The following RANBP17 variants were observed in gnomAD, a reference collection of about 807,000 sequenced individuals.
The protein encoded by RANBP17 is ran-binding protein 17.
A neutral mutation model predicts 141.2 loss-of-function variants in RANBP17; 158 were observed. The observed-to-expected ratio is 1.12, with a 90% confidence interval of 0.98 to 1.28. The LOEUF (loss-of-function observed/expected upper bound fraction) is 1.28. Among genes scored for constraint, RANBP17 ranks in the 50% most tolerant of loss-of-function variants. The pLI, the probability that RANBP17 is intolerant of heterozygous loss-of-function variation, is 0.00. For missense variants in RANBP17, 1,438 were observed against 1,290.7 expected (o/e 1.11, Z -1.75); for synonymous variants, 430 against 450.0 (o/e 0.96, Z 0.56).
At chr5:171,276,918 TAAAAAAAAAAAAA>T (rs149425836) in intron 25 of RANBP17, among the ~76,000 whole-genome samples, 1 of 82,236 alleles carries the variant, frequency 1.2e-5, no homozygotes, top group East Asian at 3.9e-4. Context: ...AAATGTATCT[TAAAAAAAAAAAAA>T]AAAAAAAAAA....
chr5:171,197,764 C>T (rs573487421), intron 18 of RANBP17, among the ~76,000 whole-genome samples: 42 of 152,284 alleles, frequency 2.8e-4, no homozygotes, highest in African/African-American at 8.7e-4. Flanking sequence ...GGCGGCCGGG[C>T]GCTGTGGCTC....
At chr5:171,102,844 A>T (rs936454311) in intron 14 of RANBP17, among the ~76,000 whole-genome samples, 5 of 151,476 alleles carry the variant, frequency 3.3e-5, no homozygotes, top group African/African-American at 1.2e-4. Context: ...TTTCCTTCTA[A>T]CAGTCAGACC....
At chr5:171,007,920 T>C (rs1310979938) in intron 14 of RANBP17, among the ~76,000 whole-genome samples, 5 of 152,122 alleles carry the variant, frequency 3.3e-5, no homozygotes, top group African/African-American at 4.8e-5. Flanking sequence ...AGGGTAGATA[T>C]GGCGAAGCCG....
At chr5:170,913,777 C>A (rs1771724984) in intron 7 of RANBP17, among the ~76,000 whole-genome samples, 1 of 150,300 alleles carries the variant, frequency 6.7e-6, no homozygotes, top group African/African-American at 2.4e-5. Flanking sequence ...ATGAATGTAA[C>A]TATAGCTAAG....
chr5:171,129,200 A>G (rs768229674), intron 14 of RANBP17, among the ~76,000 whole-genome samples: 2 of 152,226 alleles, frequency 1.3e-5, no homozygotes, highest in African/African-American at 4.8e-5. Context: ...CAACAAGTCT[A>G]GCTGTCATTG....
chr5:170,971,165 A>G (rs934436151), intron 14 of RANBP17, among the ~76,000 whole-genome samples: 1 of 152,236 alleles, frequency 6.6e-6, no homozygotes, highest in African/African-American at 2.4e-5. Flanking sequence ...GCCTGTATAG[A>G]CAACAGAATA....
intron 20 of RANBP17, 88 bp downstream of exon 20, chr5:171,205,700 G>A (rs1415153708): frequency 9.9e-7 from 1 of 1,014,868 alleles, no homozygotes; most frequent in Non-Finnish European, 1.6e-6. Flanking sequence ...GGCACAGTAG[G>A]GAAGAGGAAA....
chr5:171,199,576 A>C, intron 18 of RANBP17, 94 bp from the exon 19 acceptor site: 1 of 677,154 alleles, frequency 1.5e-6, no homozygotes, highest in Non-Finnish European at 2.4e-6. Flanking sequence ...CCTTCTCGGG[A>C]ATATTTCTAA....
intron 14 of RANBP17, among the ~76,000 whole-genome samples, chr5:171,025,435 G>A (rs757812293): frequency 5.9e-5 from 9 of 152,010 alleles, no homozygotes; most frequent in Non-Finnish European, 1.3e-4. Context: ...GTCTTTGCAT[G>A]TATTGTTTCT....
At chr5:171,117,829 TTTGTTGTTGTTGTTG>T (rs57307801) in intron 14 of RANBP17, among the ~76,000 whole-genome samples, 6 of 147,450 alleles carry the variant, frequency 4.1e-5, no homozygotes, top group African/African-American at 1.5e-4. Flanking sequence ...TATGTGGGGT[TTTGTTGTTGTTGTTG>T]TTGTTGTTGT....
At chr5:171,174,151 A>T (rs935041833) in intron 16 of RANBP17, among the ~76,000 whole-genome samples, 1 of 152,138 alleles carries the variant, frequency 6.6e-6, no homozygotes, top group African/African-American at 2.4e-5. Flanking sequence ...ATGTTTTCCC[A>T]TCAGATTCAT....
At chr5:170,955,405 T>C (rs985451720) in intron 13 of RANBP17, among the ~76,000 whole-genome samples, 6 of 148,732 alleles carry the variant, frequency 4.0e-5, no homozygotes, top group African/African-American at 1.2e-4. Flanking sequence ...ATTATTTACC[T>C]GCTTTTCTTT....
intron 26 of RANBP17, 104 bp downstream of exon 26, chr5:171,294,085 T>C (rs1234293089): frequency 1.5e-5 from 13 of 862,472 alleles, no homozygotes; most frequent in Non-Finnish European, 2.2e-5. Context: ...GCAGAGCCAA[T>C]TGAATTTGAA....
chr5:170,877,310 C>T (rs777664184), intron 1 of RANBP17, among the ~76,000 whole-genome samples: 52 of 151,926 alleles, frequency 3.4e-4, no homozygotes, highest in Non-Finnish European at 7.1e-4. Flanking sequence ...CTCTGTCACC[C>T]GCTGAAGTAC....
At chr5:171,068,026 G>A (rs1207317788) in intron 14 of RANBP17, among the ~76,000 whole-genome samples, 1 of 151,806 alleles carries the variant, frequency 6.6e-6, no homozygotes, top group African/African-American at 2.4e-5. Flanking sequence ...AAGTTGGTAT[G>A]CTTGATCATT....
chr5:171,243,183 C>G (rs1475920397), intron 24 of RANBP17: 1 of 184,738 alleles, frequency 5.4e-6, no homozygotes, highest in Non-Finnish European at 1.1e-5. Context: ...TCCTTCTAAT[C>G]AATCCCTTCC....
rs1345407470 is a variant in RANBP17 at position 170,996,199 on chromosome 5, G to C, written c.1710+27822G>C. Among the ~76,000 whole-genome samples the C allele has an allele frequency of 2.0e-5, 3 of 152,286 alleles. No homozygotes were observed. The East Asian group carries it at 5.8e-4, about 29-fold the overall frequency. ...TAAAAGTCTGAGAAAGAGAATGCTT[G>C]AGGGACCCTCTCCTTCCTCACGGTT... is the stretch of plus-strand genomic sequence containing the variant. On this transcript the variant is annotated intron_variant, in intron 14 of 27. Transcript: ENST00000523189.
In RANBP17 at chr5:170,988,505, G is replaced by A. The variant is rs529996991; in HGVS notation, c.1710+20128G>A. 4.8e-3 allele frequency among the ~76,000 whole-genome samples: 721 copies of A among 151,692 alleles called. 4 individuals carry two copies. Among genetic ancestry groups the A allele is most frequent in the African/African-American group, 0.017 (699 of 41,458 alleles). On this transcript the variant is annotated intron_variant, in intron 14 of 27. Transcript: ENST00000523189. ...ACTAAAGAAGACTTTCAATTTGAAA[G>A]AGGTTTTAGTTACTAAATTTTACGA...
intron 25 of RANBP17, among the ~76,000 whole-genome samples, chr5:171,289,412 C>G (rs1351672558): frequency 2.0e-5 from 3 of 152,194 alleles, no homozygotes; most frequent in Non-Finnish European, 4.4e-5. Flanking sequence ...ACATCTTTGT[C>G]TATTCTATTT....
Sources: gnomAD v4.1 joint callset for allele counts (sites outside exome capture counted in the v4.1 genomes callset) on GRCh38, gnomAD v4.1.1 for gene constraint, MANE v1.5 for transcripts, NCBI Gene and HGNC (gene_info 2026-07-23, HGNC 2026-07-21) for gene names.